Variants in BORCS5 observed in about 807,000 individuals in gnomAD.
The protein encoded by BORCS5 is BLOC-1 related complex subunit 5.
In BORCS5, 17 loss-of-function variants were observed where a neutral mutation model predicts 22.1. The observed-to-expected ratio is 0.77, with a 90% CI of 0.53 to 1.15. BORCS5 has a LOEUF of 1.15. Among genes scored for constraint, BORCS5 ranks in the 50% most tolerant of loss-of-function variants. The pLI, the probability that BORCS5 is intolerant of heterozygous loss-of-function variation, is 0.00. For synonymous variants in BORCS5, 117 were observed against 99.8 expected (o/e 1.17, Z -1.03); for missense variants, 247 against 253.2 (o/e 0.98, Z 0.17).
intron 2 of BORCS5, among the ~76,000 whole-genome samples, chr12:12,374,413 A>G (rs971742284): frequency 2.0e-5 from 3 of 151,608 alleles, no homozygotes; most frequent in African/African-American, 7.3e-5. Flanking sequence ...TGGGAGGATT[A>G]CTTGAGCCCA....
At chr12:12,371,186 C>G (rs1863520767) in intron 2 of BORCS5, among the ~76,000 whole-genome samples, 1 of 152,150 alleles carries the variant, frequency 6.6e-6, no homozygotes, top group Non-Finnish European at 1.5e-5. Flanking sequence ...AACCCTGGTT[C>G]TTTTAGTGAA....
Position 12,465,726 on chromosome 12 carries a change from G to A in BORCS5, c.541G>A (p.Glu181Lys), listed in dbSNP as rs751586979. 6.2e-6 allele frequency: 10 copies of A among 1,613,946 alleles called. No homozygotes were observed. In the East Asian group the frequency reaches 1.1e-4, roughly 18 times the overall value. Residue 181 changes from glutamate to lysine, a missense_variant, in exon 4 of 4, where the codon GAG becomes AAG. Physicochemically the swap from Glu to Lys is moderately conservative, Grantham distance 56 (BLOSUM62 1). Transcript: ENST00000314565. ...GCTCAACAGCATGCTGCCCGAGGGC[G>A]AGCGGCTGGAGCCCTTCAGCATGAA... ...DRLNSMLPEG[E>K]RLEPFSMKPD...
At position 12,469,803 on chromosome 12, in the gene BORCS5, G is replaced by A. The variant is rs939615266; in HGVS notation, c.*4027G>A. On this transcript the variant is annotated 3_prime_UTR_variant, in exon 4 of 4. Coordinates refer to ENST00000314565, the MANE Select transcript of BORCS5 (RefSeq NM_058169.6). ...TCAAGATTGAAGGATGGATTAGGGA[G>A]AAATGAAAACTTTTCTTCTTGTGGA... The A allele has an allele frequency of 1.3e-5, 2 of 152,220 alleles. No homozygotes were observed. Among genetic ancestry groups the A allele is most frequent in the East Asian group, 1.9e-4 (1 of 5,194 alleles). The allele number at this position is 152,220 out of a possible 1,614,324, so 9.4% of individuals were successfully genotyped here.
chr12:12,438,736 T>C (rs1436873322), intron 3 of BORCS5, among the ~76,000 whole-genome samples: 2 of 152,224 alleles, frequency 1.3e-5, no homozygotes, highest in African/African-American at 2.4e-5. Context: ...ACTCCTGTTT[T>C]ATCCATATCC....
chr12:12,415,504 T>A (rs113427674), intron 2 of BORCS5, among the ~76,000 whole-genome samples: 73 of 117,524 alleles, frequency 6.2e-4, no homozygotes, highest in African/African-American at 1.0e-3. Context: ...GCAGCAGTAC[T>A]GTCCAGCTTT....
chr12:12,364,508 C>G (rs1863363224), intron 2 of BORCS5, among the ~76,000 whole-genome samples: 1 of 152,156 alleles, frequency 6.6e-6, no homozygotes. Flanking sequence ...GTTTTGCTGT[C>G]TTAGGGGTGG....
At position 12,467,332 on chromosome 12, in the gene BORCS5, A is replaced by G. The variant is rs1943219988; in HGVS notation, c.*1556A>G. On this transcript the variant is annotated 3_prime_UTR_variant, in exon 4 of 4. Coordinates refer to ENST00000314565, the MANE Select transcript of BORCS5 (RefSeq NM_058169.6). ...GCTTAGGTGCCATTATCCTCACTGC[A>G]CTTAATACAGGTGACACATGAAAGC... 1 of 152,232 alleles carries G rather than the reference A, an allele frequency of 6.6e-6. No homozygotes were observed. 9.4% of individuals were successfully genotyped at this position (152,232 alleles called of 1,614,324 possible).
chr12:12,414,761 C>A (rs1445122437), intron 2 of BORCS5, among the ~76,000 whole-genome samples: 1 of 132,712 alleles, frequency 7.5e-6, no homozygotes, highest in African/African-American at 2.9e-5. Flanking sequence ...GACGGGGTGG[C>A]TGCCGGACGG....
Position 12,370,738 on chromosome 12 carries a change from A to G in BORCS5, c.202+9389A>G, listed in dbSNP as rs181809174. ...AAATTGGCCAGTGACAGCATCTTCAATCTAACTTCCTGTGTCCTTTTTTTT... is the reference window on the plus strand; with the variant it reads ...AAATTGGCCAGTGACAGCATCTTCAGTCTAACTTCCTGTGTCCTTTTTTTT... On this transcript the variant is annotated intron_variant, in intron 2 of 3. Coordinates refer to ENST00000314565, the MANE Select transcript of BORCS5 (RefSeq NM_058169.6). Among the ~76,000 whole-genome samples, 255 of 151,712 alleles carry G rather than the reference A, an allele frequency of 1.7e-3. 3 individuals are homozygous for G. The highest frequency in any genetic ancestry group is 5.8e-3 in the African/African-American group (241 of 41,384).
At chr12:12,407,619 A>C (rs1015860499) in intron 2 of BORCS5, among the ~76,000 whole-genome samples, 2 of 152,032 alleles carry the variant, frequency 1.3e-5, no homozygotes, top group African/African-American at 4.8e-5. Context: ...ATTGAAGTCT[A>C]TTAAATAGTA....
chr12:12,386,451 C>CTTT (rs1863882404), intron 2 of BORCS5, among the ~76,000 whole-genome samples: 1 of 115,398 alleles, frequency 8.7e-6, no homozygotes, highest in African/African-American at 4.1e-5. Flanking sequence ...TCCACTGTTG[C>CTTT]TATTTTTTTT....
chr12:12,420,775 TG>T (rs1322357528), intron 2 of BORCS5, among the ~76,000 whole-genome samples: 2 of 152,194 alleles, frequency 1.3e-5, no homozygotes, highest in African/African-American at 4.8e-5. Context: ...TCACATCCCT[TG>T]TAAGTTGGAT....
intron 2 of BORCS5, among the ~76,000 whole-genome samples, chr12:12,386,587 C>A (rs1040535507): frequency 1.3e-5 from 2 of 150,326 alleles, no homozygotes; most frequent in African/African-American, 4.9e-5. Context: ...AGCAATTCTC[C>A]TACTCCTACC....
intron 2 of BORCS5, among the ~76,000 whole-genome samples, chr12:12,380,301 A>G (rs976424349): frequency 2.0e-5 from 3 of 151,354 alleles, no homozygotes; most frequent in African/African-American, 7.3e-5. Context: ...AAAAAAACAC[A>G]GTATCTGTGA....
intron 3 of BORCS5, among the ~76,000 whole-genome samples, chr12:12,451,421 A>C (rs796563383): frequency 1.3e-5 from 2 of 152,202 alleles, no homozygotes; most frequent in African/African-American, 4.8e-5. Flanking sequence ...ACAAAACACC[A>C]ACACTTTAGG....
chr12:12,374,112 C>T (rs1026618660), intron 2 of BORCS5, among the ~76,000 whole-genome samples: 2 of 150,896 alleles, frequency 1.3e-5, no homozygotes, highest in South Asian at 2.1e-4. Flanking sequence ...CTTAGCCTCC[C>T]GAGTAGCTGG....
chr12:12,438,368 A>AACAAAAAACAAC (rs1444860832), intron 3 of BORCS5, among the ~76,000 whole-genome samples: 1 of 104,982 alleles, frequency 9.5e-6, no homozygotes, highest in African/African-American at 4.6e-5. Context: ...CTCAAAAAAA[A>AACAAAAAACAAC]AAAAAAAAAA....
chr12:12,361,852 G>T, intron 2 of BORCS5, among the ~76,000 whole-genome samples: 1 of 152,194 alleles, frequency 6.6e-6, no homozygotes, highest in South Asian at 2.1e-4. Context: ...CCTGGCGGCA[G>T]TTTTATATGA....
Position 12,470,946 on chromosome 12 carries a change from T to G in BORCS5, c.*5170T>G, listed in dbSNP as rs1489916176. The stretch of plus-strand genomic sequence containing the variant: ...TTCTTCACCAATCAAGGCTCATTCC[T>G]TGAGGCATGAGTTATGCGAAAAGCT... On this transcript the variant is annotated 3_prime_UTR_variant, in exon 4 of 4. Transcript: ENST00000314565. Among the ~76,000 whole-genome samples, 1 of 152,216 alleles carries G rather than the reference T, an allele frequency of 6.6e-6. No homozygotes were observed. The highest frequency in any genetic ancestry group is 1.5e-5 in the Non-Finnish European group (1 of 68,028).
Sources: allele counts gnomAD v4.1 joint callset (sites outside exome capture counted in the v4.1 genomes callset), GRCh38; gene constraint gnomAD v4.1.1; transcripts MANE v1.5; gene names NCBI Gene and HGNC (gene_info 2026-07-23, HGNC 2026-07-21).